CLPB: variants seen among roughly 807,000 people sequenced by gnomAD.
The protein encoded by CLPB is mitochondrial disaggregase.
In CLPB, 40 loss-of-function variants were observed where a neutral mutation model predicts 78.4. That is an observed-to-expected ratio of 0.51 (90% CI 0.40 to 0.66). CLPB has a LOEUF of 0.66. Ranked by LOEUF, CLPB falls within the 30% of genes least tolerant of loss-of-function variation. CLPB has a pLI of 0.00. For missense variants in CLPB, 780 were observed against 886.9 expected, an observed-to-expected ratio of 0.88 and a Z score of 1.53; for synonymous variants, 333 against 348.0, an observed-to-expected ratio of 0.96 and a Z score of 0.48.
chr11:72,423,063 G>C (rs1484341811), intron 2 of CLPB, among the ~76,000 whole-genome samples: 1 of 152,126 alleles, frequency 6.6e-6, no homozygotes, highest in Non-Finnish European at 1.5e-5. Context: ...AAGCCATCTA[G>C]TAAACCAGTT....
intron 11 of CLPB, 149 bp downstream of exon 11, chr11:72,301,654 G>C: frequency 1.1e-6 from 1 of 871,004 alleles, no homozygotes. Context: ...GAGGGGCTAA[G>C]TTGCACCTAC....
chr11:72,301,695 G>A lies in CLPB; in HGVS notation c.1329+108C>T, dbSNP rs564736958. 7 of 1,227,334 alleles carry A rather than the reference G, an allele frequency of 5.7e-6. No individual in the cohort carries two copies. In the East Asian group the frequency reaches 1.4e-4, roughly 25 times the overall value. 76.0% of individuals were successfully genotyped at this position (1,227,334 alleles called of 1,614,324 possible). A position where few individuals can be genotyped will look rare whatever the true frequency, so the allele number is the denominator to read the frequency against. On this transcript the variant is annotated intron_variant, in intron 11 of 15. Coordinates refer to ENST00000538039, the MANE Select transcript of CLPB (RefSeq NM_001258392.3). The stretch of plus-strand genomic sequence containing the variant: ...GAATGAATGTACACATGCGGGAGCA[G>A]GAAGCCGAGGAATGACCAGCTAGCC...
intron 3 of CLPB, among the ~76,000 whole-genome samples, chr11:72,392,127 G>A (rs1341067996): frequency 6.6e-6 from 1 of 151,920 alleles, no homozygotes; most frequent in Non-Finnish European, 1.5e-5. Context: ...GAAGGGCAGT[G>A]ATCCCAGCTC....
chr11:72,361,960 G>A (rs1385645657), intron 4 of CLPB, among the ~76,000 whole-genome samples: 1 of 152,186 alleles, frequency 6.6e-6, no homozygotes, highest in Admixed American at 6.5e-5. Context: ...TGAACTCAAG[G>A]AACACAGCTG....
intron 3 of CLPB, among the ~76,000 whole-genome samples, chr11:72,382,666 C>A (rs1854952192): frequency 6.6e-6 from 1 of 152,208 alleles, no homozygotes; most frequent in Non-Finnish European, 1.5e-5. Flanking sequence ...ATTCATGAAC[C>A]ACACAAGATG....
rs747534297 is a variant in CLPB, at chr11:72,358,990, T to C, written c.665A>G (p.Asp222Gly). ...HSLEVLITRE[D>G]DFNNRLNNRA... The stretch of plus-strand genomic sequence containing the variant: ...GTTGTTCAGCCTGTTGTTGAAGTCA[T>C]CCTCTCGGGTGATCAGGACTGGGGA... The change falls in exon 5 of 16, where the codon GAT (aspartate) becomes GGT (glycine). Residue 222 changes from aspartate to glycine, a missense_variant. Transcript: ENST00000538039. 1.2e-6 allele frequency: 2 copies of C among 1,613,358 alleles called. No homozygotes were observed. The highest frequency in any genetic ancestry group is 2.2e-5 in the South Asian group (2 of 91,040).
intron 5 of CLPB, among the ~76,000 whole-genome samples, chr11:72,355,624 T>G (rs959685343): frequency 1.1e-4 from 16 of 152,128 alleles, no homozygotes; most frequent in African/African-American, 3.9e-4. Context: ...AGCTAATAGG[T>G]GGGTAAACTG....
intron 4 of CLPB, among the ~76,000 whole-genome samples, chr11:72,379,597 CCT>C (rs1471923738): frequency 6.6e-6 from 1 of 152,128 alleles, no homozygotes; most frequent in Non-Finnish European, 1.5e-5. Context: ...CATCCCAGAG[CCT>C]CTTCATTCTG....
intron 2 of CLPB, among the ~76,000 whole-genome samples, chr11:72,424,687 C>T (rs1484650580): frequency 1.3e-5 from 2 of 152,100 alleles, no homozygotes; most frequent in Non-Finnish European, 2.9e-5. Context: ...CGAGGTCAGA[C>T]CATCCTGGCT....
At chr11:72,400,299 C>T (rs1855524434) in intron 3 of CLPB, among the ~76,000 whole-genome samples, 1 of 152,126 alleles carries the variant, frequency 6.6e-6, no homozygotes, top group South Asian at 2.1e-4. Flanking sequence ...ATCTGTCCTC[C>T]CTGGATAGTG....
At chr11:72,405,255 C>T (rs1321952490) in intron 2 of CLPB, among the ~76,000 whole-genome samples, 1 of 152,216 alleles carries the variant, frequency 6.6e-6, no homozygotes, top group Non-Finnish European at 1.5e-5. Context: ...TAGGCAGCTC[C>T]ATCTGGGTGA....
intron 5 of CLPB, chr11:72,337,061 G>C (rs1197658750): frequency 2.5e-6 from 1 of 398,610 alleles, no homozygotes; most frequent in Non-Finnish European, 4.4e-6. Context: ...TCTTGGTTTA[G>C]TCTTCACATC....
Position 72,334,107 on chromosome 11 carries a change from G to C in CLPB, c.776-4303C>G, listed in dbSNP as rs1272813923. 5.3e-5 allele frequency among the ~76,000 whole-genome samples: 8 copies of C among 152,208 alleles called. No individual in the cohort carries two copies. The South Asian group carries it at 1.2e-3, about 24-fold the overall frequency. ...GAGGAAGACAGTGGAAGAACGAACA[G>C]AGTGAGATTAGCCTCTTCAAACAAG... On this transcript the variant is annotated intron_variant, in intron 5 of 15. Coordinates refer to ENST00000538039, the MANE Select transcript of CLPB (RefSeq NM_001258392.3).
At chr11:72,328,484 A>G (rs1393553984) in intron 6 of CLPB, among the ~76,000 whole-genome samples, 1 of 152,140 alleles carries the variant, frequency 6.6e-6, no homozygotes, top group Non-Finnish European at 1.5e-5. Context: ...TAATGAGGGG[A>G]TGTGGTAGCC....
At chr11:72,415,998 G>A (rs537750980) in intron 2 of CLPB, among the ~76,000 whole-genome samples, 4 of 152,260 alleles carry the variant, frequency 2.6e-5, no homozygotes, top group Admixed American at 6.5e-5. Context: ...TCTCCTAAGA[G>A]TTAAAAATCT....
chr11:72,358,068 T>A (rs368093892), intron 5 of CLPB, among the ~76,000 whole-genome samples: 1 of 152,164 alleles, frequency 6.6e-6, no homozygotes, highest in East Asian at 1.9e-4. Context: ...GAGTGGGATA[T>A]GGGGAAGTGG....
At chr11:72,318,102 AAT>A (rs1320482377) in intron 6 of CLPB, among the ~76,000 whole-genome samples, 2 of 152,282 alleles carry the variant, frequency 1.3e-5, no homozygotes. Context: ...AAGTTTGGTG[AAT>A]ATAAGTCTGT....
chr11:72,346,473 C>T (rs1334934418), intron 5 of CLPB, among the ~76,000 whole-genome samples: 1 of 151,056 alleles, frequency 6.6e-6, no homozygotes, highest in African/African-American at 2.4e-5. Flanking sequence ...CAATTATCAA[C>T]AAAAAAATCC....
rs75002840 is a variant in CLPB at position 72,335,242 on chromosome 11, G to A, written c.776-5438C>T. Reference sequence around the variant, plus strand: ...GGCAATGGTGTTGGTGGGAGTGAAGGCCTGGCTCACTGGTGCTGAGGGAGC... The same window carrying A: ...GGCAATGGTGTTGGTGGGAGTGAAGACCTGGCTCACTGGTGCTGAGGGAGC... On this transcript the variant is annotated intron_variant, in intron 5 of 15. Coordinates refer to ENST00000538039, the MANE Select transcript of CLPB (RefSeq NM_001258392.3). Among the ~76,000 whole-genome samples, 47 of 152,268 alleles carry A rather than the reference G, an allele frequency of 3.1e-4. 1 individual carries two copies. In the East Asian group the frequency reaches 9.1e-3, roughly 29 times the overall value.
Sources: gnomAD v4.1 joint callset for allele counts (sites outside exome capture counted in the v4.1 genomes callset) on GRCh38, gnomAD v4.1.1 for gene constraint, MANE v1.5 for transcripts, NCBI Gene and HGNC (gene_info 2026-07-23, HGNC 2026-07-21) for gene names.